The following EIF4EBP1 variants were observed in gnomAD, a reference collection of about 807,000 sequenced individuals.
EIF4EBP1 encodes eukaryotic translation initiation factor 4E-binding protein 1.
Under a neutral mutation model 9.2 loss-of-function variants are expected in EIF4EBP1, and 5 were observed. The observed-to-expected ratio is 0.54, with a 90% CI of 0.28 to 1.14. The LOEUF is 1.14. Among genes scored for constraint, EIF4EBP1 ranks in the 50% most tolerant of loss-of-function variants. The pLI is 0.09. For synonymous variants in EIF4EBP1, 62 were observed against 67.0 expected, an observed-to-expected ratio of 0.93 and a Z score of 0.36; for missense variants, 139 against 169.6, an observed-to-expected ratio of 0.82 and a Z score of 1.00.
rs916485531 is a variant in EIF4EBP1 at position 38,049,125 on chromosome 8, C to CA, written c.146-7942dup. 9.4e-3 allele frequency among the ~76,000 whole-genome samples: 743 copies of CA among 79,190 alleles called. 10 individuals carry two copies. The highest frequency in any genetic ancestry group is 0.026 in the African/African-American group (556 of 21,432). The allele number at this position is 79,190 out of a possible 152,430, so 52.0% of individuals were successfully genotyped here. ...GGGCAACAAGAGCGAAACTCCGTCT[C>CA]AAAAAAAAAAAAAAGAAAAGAAAAG... is the stretch of plus-strand genomic sequence containing the variant. On this transcript the variant is annotated intron_variant, in intron 1 of 2. Coordinates refer to ENST00000338825, the MANE Select transcript of EIF4EBP1 (RefSeq NM_004095.4).
chr8:38,030,691 G>A lies in EIF4EBP1; in HGVS notation c.118G>A (p.Gly40Ser). The change falls in exon 1 of 3, where the codon GGC becomes AGC. Residue 40 changes from glycine to serine, a missense_variant. Gly to Ser is a moderately conservative substitution (Grantham distance 56). Transcript: ENST00000338825. Reference sequence around the variant, plus strand: ...CGGGGACTACAGCACGACCCCCGGCGGCACGCTCTTCAGCACCACCCCGGG... The same window carrying A: ...CGGGGACTACAGCACGACCCCCGGCAGCACGCTCTTCAGCACCACCCCGGG... ...PPGDYSTTPG[G>S]TLFSTTPGGT... 6.8e-7 allele frequency: 1 copy of A among 1,477,148 alleles called. No homozygotes were observed. The highest frequency in any genetic ancestry group is 8.9e-7 in the Non-Finnish European group (1 of 1,119,634). 91.5% of individuals were successfully genotyped at this position (1,477,148 alleles called of 1,614,324 possible). A position where few individuals can be genotyped will look rare whatever the true frequency, so the allele number is the denominator to read the frequency against.
intron 2 of EIF4EBP1, among the ~76,000 whole-genome samples, chr8:38,058,486 A>T (rs1809626888): frequency 6.6e-6 from 1 of 152,088 alleles, no homozygotes; most frequent in African/African-American, 2.4e-5. Context: ...AACGGCCCCA[A>T]CTCTTAATAC....
chr8:38,037,559 C>T (rs184000348), intron 1 of EIF4EBP1, among the ~76,000 whole-genome samples: 2 of 152,132 alleles, frequency 1.3e-5, no homozygotes, highest in East Asian at 1.9e-4. Flanking sequence ...GTGATCCACC[C>T]GCCTCGACCT....
intron 1 of EIF4EBP1, among the ~76,000 whole-genome samples, chr8:38,038,417 A>G (rs988518118): frequency 4.0e-5 from 6 of 150,534 alleles, no homozygotes; most frequent in Admixed American, 1.3e-4. Context: ...CTGAGGCAGA[A>G]GAATCGCTTG....
intron 1 of EIF4EBP1, chr8:38,047,441 A>G (rs1286186928): frequency 6.6e-6 from 1 of 151,788 alleles, no homozygotes; most frequent in Admixed American, 6.6e-5. Flanking sequence ...CTATACTTGA[A>G]TACAGTTCAT....
chr8:38,044,589 C>T (rs550100387), intron 1 of EIF4EBP1, among the ~76,000 whole-genome samples: 1 of 152,304 alleles, frequency 6.6e-6, no homozygotes, highest in South Asian at 2.1e-4. Flanking sequence ...TAGGCGCACG[C>T]CATCATGCCA....
At chr8:38,041,564 G>A (rs1390675743) in intron 1 of EIF4EBP1, among the ~76,000 whole-genome samples, 1 of 152,228 alleles carries the variant, frequency 6.6e-6, no homozygotes, top group Non-Finnish European at 1.5e-5. Flanking sequence ...AGCAGAGCCA[G>A]GACCAGGTGC....
chr8:38,052,751 C>G (rs1809541896), intron 1 of EIF4EBP1, among the ~76,000 whole-genome samples: 1 of 151,702 alleles, frequency 6.6e-6, no homozygotes, highest in Admixed American at 6.6e-5. Flanking sequence ...TAAGGTCTTG[C>G]AATGTTGCCC....
At chr8:38,034,289 C>A (rs375117355) in intron 1 of EIF4EBP1, among the ~76,000 whole-genome samples, 1 of 151,926 alleles carries the variant, frequency 6.6e-6, no homozygotes, top group Non-Finnish European at 1.5e-5. Context: ...CTCAAGCAGT[C>A]CTCCCACCTC....
intron 1 of EIF4EBP1, among the ~76,000 whole-genome samples, chr8:38,040,930 G>C (rs1809369839): frequency 6.6e-6 from 1 of 152,018 alleles, no homozygotes; most frequent in Non-Finnish European, 1.5e-5. Flanking sequence ...TGCCTGAGTA[G>C]CTGGGATTAC....
At chr8:38,052,089 C>T (rs1809532064) in intron 1 of EIF4EBP1, among the ~76,000 whole-genome samples, 1 of 152,128 alleles carries the variant, frequency 6.6e-6, no homozygotes, top group Non-Finnish European at 1.5e-5. Context: ...TGCCACTCCA[C>T]CTGCTGAACA....
intron 1 of EIF4EBP1, among the ~76,000 whole-genome samples, chr8:38,041,815 A>T (rs1436058709): frequency 2.6e-5 from 4 of 152,098 alleles, no homozygotes; most frequent in African/African-American, 7.2e-5. Flanking sequence ...ACATAGTGAG[A>T]CCCTGTCTTT....
intron 1 of EIF4EBP1, among the ~76,000 whole-genome samples, chr8:38,038,865 G>T (rs910996220): frequency 6.6e-6 from 1 of 151,650 alleles, no homozygotes; most frequent in Non-Finnish European, 1.5e-5. Context: ...CTTTGAATGA[G>T]GCCCAATACA....
chr8:38,032,874 G>C (rs1809243392), intron 1 of EIF4EBP1, among the ~76,000 whole-genome samples: 1 of 152,096 alleles, frequency 6.6e-6, no homozygotes, highest in Admixed American at 6.6e-5. Flanking sequence ...GCCCACCTCT[G>C]CCAGGGCAGA....
At chr8:38,033,822 C>G (rs1459064924) in intron 1 of EIF4EBP1, among the ~76,000 whole-genome samples, 2 of 145,368 alleles carry the variant, frequency 1.4e-5, no homozygotes, top group Non-Finnish European at 3.0e-5. Context: ...TCTTGGCTCA[C>G]TGCAAGCTCC....
intron 1 of EIF4EBP1, among the ~76,000 whole-genome samples, chr8:38,048,510 T>G (rs1167957412): frequency 6.6e-6 from 1 of 152,190 alleles, no homozygotes; most frequent in African/African-American, 2.4e-5. Flanking sequence ...TTGCACACAG[T>G]TGGACTTCTA....
chr8:38,044,276 A>G (rs1809421909), intron 1 of EIF4EBP1, among the ~76,000 whole-genome samples: 1 of 152,124 alleles, frequency 6.6e-6, no homozygotes, highest in Admixed American at 6.5e-5. Context: ...GGCTCAGTTT[A>G]CAGAAGTCCT....
intron 1 of EIF4EBP1, among the ~76,000 whole-genome samples, chr8:38,053,521 T>C (rs1291187073): frequency 6.6e-6 from 1 of 152,224 alleles, no homozygotes; most frequent in Non-Finnish European, 1.5e-5. Flanking sequence ...TGGCTAATTT[T>C]TGTATTTTTG....
chr8:38,031,418 T>C (rs1264173778), intron 1 of EIF4EBP1, among the ~76,000 whole-genome samples: 1 of 151,946 alleles, frequency 6.6e-6, no homozygotes, highest in East Asian at 1.9e-4. Flanking sequence ...CTGGCACGGG[T>C]GGGGGGGCCA....
Sources: gnomAD v4.1 joint callset for allele counts (sites outside exome capture counted in the v4.1 genomes callset) on GRCh38, gnomAD v4.1.1 for gene constraint, MANE v1.5 for transcripts, NCBI Gene and HGNC (gene_info 2026-07-23, HGNC 2026-07-21) for gene names.